The following FBXO34 variants were observed in gnomAD, a reference collection of about 807,000 sequenced individuals.
FBXO34 encodes F-box protein 34.
FBXO34 carries 12 observed loss-of-function variants against 24.5 expected under a neutral mutation model. The ratio of observed to expected loss-of-function variants is 0.49; its 90% CI spans 0.31 to 0.79. FBXO34 has a LOEUF of 0.79. Among genes scored for constraint, FBXO34 ranks in the 30% least tolerant of loss-of-function variants. FBXO34 has a pLI of 0.04. For missense variants in FBXO34, 823 were observed against 857.7 expected (o/e 0.96, Z 0.51); for synonymous variants, 320 against 311.9 (o/e 1.03, Z -0.27).
downstream of FBXO34, chr14:55,355,212 G>A (rs1188893986): frequency 1.3e-5 from 2 of 152,330 alleles, no homozygotes; most frequent in Non-Finnish European, 2.9e-5. Flanking sequence ...GAAAGCTAAG[G>A]AGGGGCTCAG....
the FBXO34 span, chr14:55,429,039 T>C: frequency 1.0e-5 from 16 of 1,567,594 alleles, no homozygotes; most frequent in Non-Finnish European, 1.3e-5. Context: ...ACTGGTGTTG[T>C]ATTGGATTGT....
chr14:55,355,283 C>G (rs1056489575), downstream of FBXO34: 9 of 152,052 alleles, frequency 5.9e-5, no homozygotes, highest in Non-Finnish European at 4.4e-5. Context: ...AACAGACATA[C>G]GAGAGGACTG....
chr14:55,389,735 T>C, the FBXO34 span, among the ~76,000 whole-genome samples: 1 of 152,236 alleles, frequency 6.6e-6, no homozygotes, highest in South Asian at 2.1e-4. Flanking sequence ...AAAACTGCTC[T>C]TGGAGTTATT....
At chr14:55,419,198 C>T in the FBXO34 span, among the ~76,000 whole-genome samples, 1 of 152,236 alleles carries the variant, frequency 6.6e-6, no homozygotes, top group Admixed American at 6.5e-5. Flanking sequence ...CCTGGCTCCT[C>T]ACATGCCTGT....
intron 1 of FBXO34, among the ~76,000 whole-genome samples, chr14:55,316,326 C>A (rs1882924495): frequency 1.3e-5 from 2 of 151,982 alleles, no homozygotes; most frequent in South Asian, 2.1e-4. Context: ...GTGGCTCACA[C>A]CTGTAATCCC....
At position 55,351,469 on chromosome 14, in the gene FBXO34, C is replaced by G. The variant is rs1211339246; in HGVS notation, c.1079C>G (p.Pro360Arg). 1 of 1,614,182 alleles carries G rather than the reference C, an allele frequency of 6.2e-7. No individual in the cohort carries two copies. Among genetic ancestry groups the G allele is most frequent in the Admixed American group, 1.7e-5 (1 of 60,022 alleles). Residue 360 changes from proline to arginine, a missense_variant, in exon 2 of 2, where the codon CCT (proline) becomes CGT (arginine). Transcript: ENST00000313833. ...CGPSRADRCS[P>R]KEDQAWDGAS... ...CCTTCAAGAGCTGATCGTTGTTCTCCTAAGGAGGACCAGGCCTGGGACGGT... is the reference window on the plus strand; with the variant it reads ...CCTTCAAGAGCTGATCGTTGTTCTCGTAAGGAGGACCAGGCCTGGGACGGT...
chr14:55,300,267 C>T (rs1882303084), intron 1 of FBXO34, among the ~76,000 whole-genome samples: 1 of 152,138 alleles, frequency 6.6e-6, no homozygotes, highest in South Asian at 2.1e-4. Context: ...GTCCATTTTA[C>T]TACCTCTCTT....
At chr14:55,322,909 C>A (rs1460921763) in intron 1 of FBXO34, among the ~76,000 whole-genome samples, 1 of 149,472 alleles carries the variant, frequency 6.7e-6, no homozygotes, top group Non-Finnish European at 1.5e-5. Context: ...CACGGTGGCT[C>A]ACGCCTGTAA....
intron 1 of FBXO34, chr14:55,298,852 T>G: frequency 2.5e-6 from 4 of 1,612,268 alleles, no homozygotes; most frequent in Non-Finnish European, 3.4e-6. Flanking sequence ...CTGGCGCAGA[T>G]CGACGGTACA....
exon 4 of FBXO34, chr14:55,361,892 C>A (rs1253638098): frequency 6.6e-6 from 1 of 152,204 alleles, no homozygotes; most frequent in Non-Finnish European, 1.5e-5. Context: ...TCTATCTAGA[C>A]CACTAAAGCT....
the FBXO34 span, among the ~76,000 whole-genome samples, chr14:55,440,165 TAACTGAGTGAACGGTTCTGGA>T: frequency 4.6e-5 from 7 of 152,150 alleles, no homozygotes; most frequent in African/African-American, 1.4e-4. Context: ...TGTAATCTGG[TAACTGAGTGAACGGTTCTGGA>T]TTCGTGCTAG....
intron 1 of FBXO34, chr14:55,282,692 T>A (rs1264017080): frequency 6.6e-6 from 1 of 152,314 alleles, no homozygotes; most frequent in African/African-American, 2.4e-5. Flanking sequence ...AGTTGCTGTG[T>A]TTTCTACTCT....
chr14:55,385,939 A>T, the FBXO34 span: 1 of 1,614,066 alleles, frequency 6.2e-7, no homozygotes, highest in East Asian at 2.2e-5. Context: ...GATTTGCCAG[A>T]CGCTCATAAT....
intron 1 of FBXO34, chr14:55,325,875 A>C (rs1340945635): frequency 6.6e-6 from 1 of 152,092 alleles, no homozygotes; most frequent in African/African-American, 2.4e-5. Flanking sequence ...TGCTCCTCCC[A>C]CCTCGTTTCT....
downstream of FBXO34, among the ~76,000 whole-genome samples, chr14:55,362,601 G>C (rs555556624): frequency 2.6e-5 from 4 of 152,208 alleles, no homozygotes; most frequent in Non-Finnish European, 5.9e-5. Flanking sequence ...GCCAGTACCA[G>C]TGGCCCCTGA....
At chr14:55,363,570 C>G (rs1363271375), downstream of FBXO34, among the ~76,000 whole-genome samples, 1 of 152,078 alleles carries the variant, frequency 6.6e-6, no homozygotes, top group Non-Finnish European at 1.5e-5. Context: ...TTCAGGTGAT[C>G]CACCCACCTT....
At chr14:55,331,550 T>G (rs1226714741) in intron 1 of FBXO34, among the ~76,000 whole-genome samples, 1 of 120,194 alleles carries the variant, frequency 8.3e-6, no homozygotes, top group Non-Finnish European at 1.9e-5. Flanking sequence ...TGAGGCGTGA[T>G]ATATATATAT....
In FBXO34 at chr14:55,327,908, G is replaced by GTTTTTT. The variant is rs386381425; in HGVS notation, c.-10-22443_-10-22438dup. Among the ~76,000 whole-genome samples, 131 of 48,728 alleles carry GTTTTTT rather than the reference G, an allele frequency of 2.7e-3. 24 individuals carry two copies. The highest frequency in any genetic ancestry group is 3.1e-3 in the Non-Finnish European group (88 of 28,542). The allele number at this position is 48,728 out of a possible 152,430, so 32.0% of individuals were successfully genotyped here. Reference sequence around the variant, plus strand: ...CATATGATTTTCTTTGTTGTTGTTGGTTTTTTTTTTTTTTTTTTTTTTTTT... The same window carrying GTTTTTT: ...CATATGATTTTCTTTGTTGTTGTTGGTTTTTTTTTTTTTTTTTTTTTTTTTTTTTTT... On this transcript the variant is annotated intron_variant, in intron 1 of 1. Coordinates refer to ENST00000313833, the MANE Select transcript of FBXO34 (RefSeq NM_017943.4).
At chr14:55,409,316 A>G in the FBXO34 span, among the ~76,000 whole-genome samples, 2 of 152,206 alleles carry the variant, frequency 1.3e-5, no homozygotes, top group Non-Finnish European at 2.9e-5. Flanking sequence ...AGTCAGTTCA[A>G]TCATTCCATA....
Sources: gnomAD v4.1 joint callset for allele counts (sites outside exome capture counted in the v4.1 genomes callset) on GRCh38, gnomAD v4.1.1 for gene constraint, MANE v1.5 for transcripts, NCBI Gene and HGNC (gene_info 2026-07-23, HGNC 2026-07-21) for gene names.